AKAP6: variants seen among roughly 807,000 people sequenced by gnomAD.
AKAP6 encodes the protein A-kinase anchor protein 6.
A neutral mutation model predicts 188.5 loss-of-function variants in AKAP6; 58 were observed. The observed-to-expected ratio is 0.31, with a 90% CI of 0.25 to 0.38. The LOEUF is 0.38. Ranked by LOEUF, AKAP6 falls within the 10% of genes least tolerant of loss-of-function variation. AKAP6 has a pLI of 1.00. For missense variants in AKAP6, 2,710 were observed against 2,740.0 expected (o/e 0.99, Z 0.24); for synonymous variants, 989 against 998.6 (o/e 0.99, Z 0.18).
At chr14:32,571,231 A>G (rs1884472004) in intron 4 of AKAP6, among the ~76,000 whole-genome samples, 1 of 150,518 alleles carries the variant, frequency 6.6e-6, no homozygotes, top group Admixed American at 6.6e-5. Context: ...TTTTTTTAAT[A>G]TAGTGAAATA....
At chr14:32,523,259 A>G (rs927607011) in intron 2 of AKAP6, among the ~76,000 whole-genome samples, 3 of 152,158 alleles carry the variant, frequency 2.0e-5, no homozygotes, top group African/African-American at 4.8e-5. Flanking sequence ...GCACACCAAC[A>G]TGGCACATGT....
chr14:32,517,774 C>T (rs1294659230), intron 2 of AKAP6, among the ~76,000 whole-genome samples: 1 of 152,200 alleles, frequency 6.6e-6, no homozygotes, highest in Admixed American at 6.5e-5. Flanking sequence ...GTGGGCAGGG[C>T]ATAGCTGAAC....
At chr14:32,426,377 A>C (rs948217229) in intron 1 of AKAP6, among the ~76,000 whole-genome samples, 2 of 152,120 alleles carry the variant, frequency 1.3e-5, no homozygotes, top group Non-Finnish European at 2.9e-5. Flanking sequence ...GAATATGAAG[A>C]GTCACATATA....
At chr14:32,522,432 C>T (rs1288446011) in intron 2 of AKAP6, among the ~76,000 whole-genome samples, 2 of 152,140 alleles carry the variant, frequency 1.3e-5, no homozygotes, top group African/African-American at 4.8e-5. Flanking sequence ...ATTTTACAAT[C>T]TACCCATCTG....
intron 1 of AKAP6, among the ~76,000 whole-genome samples, chr14:32,365,861 C>A (rs1887814820): frequency 6.6e-6 from 1 of 152,178 alleles, no homozygotes; most frequent in Admixed American, 6.5e-5. Flanking sequence ...TGCTAACCAC[C>A]ATTTTTACCT....
chr14:32,540,627 G>A (rs1882905907), intron 3 of AKAP6, among the ~76,000 whole-genome samples: 1 of 152,046 alleles, frequency 6.6e-6, no homozygotes, highest in South Asian at 2.1e-4. Context: ...AAAACCAACA[G>A]GCAACACCCC....
At chr14:32,516,478 A>T (rs1881526071) in intron 2 of AKAP6, among the ~76,000 whole-genome samples, 1 of 152,204 alleles carries the variant, frequency 6.6e-6, no homozygotes, top group Non-Finnish European at 1.5e-5. Flanking sequence ...TTCTGTGCTG[A>T]AAAAAGGCAC....
intron 7 of AKAP6, among the ~76,000 whole-genome samples, chr14:32,637,865 T>C (rs540352786): frequency 6.6e-6 from 1 of 150,904 alleles, no homozygotes; most frequent in Non-Finnish European, 1.5e-5. Context: ...GCCAAGAAAC[T>C]GGGATGTGGG....
At chr14:32,398,855 T>TG (rs374931075) in intron 1 of AKAP6, among the ~76,000 whole-genome samples, 21,607 of 109,914 alleles carry the variant, frequency 0.2, 2,373 homozygotes, top group Non-Finnish European at 0.3. Context: ...TTTTTTTTTT[T>TG]TTTTTTTTTT....
chr14:32,510,451 CATATATATGTGTATATATAT>C, intron 2 of AKAP6, among the ~76,000 whole-genome samples: 1 of 35,798 alleles, frequency 2.8e-5, no homozygotes, highest in South Asian at 5.1e-4. Context: ...TATATATATA[CATATATATGTGTATATATAT>C]ATATACATAT....
intron 4 of AKAP6, among the ~76,000 whole-genome samples, chr14:32,564,439 CCT>C (rs1174365139): frequency 1.6e-4 from 25 of 152,242 alleles, no homozygotes; most frequent in African/African-American, 6.0e-4. Context: ...CCCTCAAACC[CCT>C]GATTGCTAAA....
At chr14:32,376,483 A>G (rs928093392) in intron 1 of AKAP6, among the ~76,000 whole-genome samples, 7 of 152,194 alleles carry the variant, frequency 4.6e-5, no homozygotes, top group Non-Finnish European at 8.8e-5. Flanking sequence ...CATAGGACCT[A>G]TTGCAGTGCC....
chr14:32,828,525 TCTCTCACACACACACACA>T (rs199923262), intron 13 of AKAP6, among the ~76,000 whole-genome samples: 26,238 of 96,242 alleles, frequency 0.27, 2,554 homozygotes, highest in African/African-American at 0.36. Flanking sequence ...TCTCTCTCTC[TCTCTCACACACACACACA>T]CACACACACA....
chr14:32,776,979 G>A (rs2033087767), intron 12 of AKAP6, among the ~76,000 whole-genome samples: 3 of 152,144 alleles, frequency 2.0e-5, no homozygotes, highest in Admixed American at 2.0e-4. Context: ...GAAAGGATTA[G>A]AGGGAACACT....
Position 32,652,061 on chromosome 14 carries a change from T to A in AKAP6, c.2731-26250T>A, listed in dbSNP as rs115630697. 5.1e-3 allele frequency among the ~76,000 whole-genome samples: 770 copies of A among 152,234 alleles called. 7 individuals carry two copies. Among genetic ancestry groups the A allele is most frequent in the African/African-American group, 0.017 (716 of 41,546 alleles). On this transcript the variant is annotated intron_variant, in intron 7 of 13. Coordinates refer to ENST00000280979, the MANE Select transcript of AKAP6 (RefSeq NM_004274.5). ...AGGCAGTGGTGTCCGGATCTACATC[T>A]TCGGTTTAGTGTCCACCCACTTTGC... is the stretch of plus-strand genomic sequence containing the variant.
chr14:32,804,389 A>G (rs996627026), intron 12 of AKAP6, among the ~76,000 whole-genome samples: 1 of 152,202 alleles, frequency 6.6e-6, no homozygotes, highest in Non-Finnish European at 1.5e-5. Flanking sequence ...GTGACATCAC[A>G]TATTGGTAGG....
At position 32,830,221 on chromosome 14, in the gene AKAP6, C is replaced by G. The variant is rs1281985199; in HGVS notation, c.*416C>G. 5.1e-6 allele frequency: 2 copies of G among 395,400 alleles called. No homozygotes were observed. The highest frequency in any genetic ancestry group is 9.0e-6 in the Non-Finnish European group (2 of 222,884). The allele number at this position is 395,400 out of a possible 1,614,324, so 24.5% of individuals were successfully genotyped here. ...GTCTAGAATGACCCCCCCACCAGTA[C>G]TTGACCAATTTCATGTATCAATCTG... is the stretch of plus-strand genomic sequence containing the variant. On this transcript the variant is annotated 3_prime_UTR_variant, in exon 14 of 14. Coordinates refer to ENST00000280979, the MANE Select transcript of AKAP6 (RefSeq NM_004274.5).
At chr14:32,818,409 C>T (rs2034440419) in intron 12 of AKAP6, among the ~76,000 whole-genome samples, 2 of 152,096 alleles carry the variant, frequency 1.3e-5, no homozygotes, top group African/African-American at 2.4e-5. Context: ...TTGCATATAA[C>T]CTACAGTCAT....
intron 1 of AKAP6, among the ~76,000 whole-genome samples, chr14:32,364,342 C>A (rs1168624155): frequency 6.6e-6 from 1 of 152,132 alleles, no homozygotes; most frequent in Non-Finnish European, 1.5e-5. Context: ...TTTACCACAA[C>A]CAGGACCCTT....
Sources: allele counts gnomAD v4.1 joint callset (sites outside exome capture counted in the v4.1 genomes callset), GRCh38; gene constraint gnomAD v4.1.1; transcripts MANE v1.5; gene names NCBI Gene and HGNC (gene_info 2026-07-23, HGNC 2026-07-21).